Variants in ME2 observed in about 807,000 individuals in gnomAD.
ME2 encodes the protein NAD-dependent malic enzyme, mitochondrial.
A neutral mutation model predicts 73.7 loss-of-function variants in ME2; 60 were observed. The observed-to-expected ratio is 0.81, with a 90% CI of 0.66 to 1.01. The LOEUF (loss-of-function observed/expected upper bound fraction) is 1.01. Ranked by LOEUF, ME2 falls within the 50% of genes least tolerant of loss-of-function variation. ME2 has a pLI of 0.00. For synonymous variants in ME2, 199 were observed against 236.9 expected, an observed-to-expected ratio of 0.84 and a Z score of 1.47; for missense variants, 594 against 705.5, an observed-to-expected ratio of 0.84 and a Z score of 1.79.
chr18:50,916,116 A>G (rs1917277602), intron 4 of ME2, 52 bp from the exon 5 acceptor site: 2 of 1,230,180 alleles, frequency 1.6e-6, no homozygotes, highest in South Asian at 1.3e-5. Context: ...ATGAACAAAA[A>G]CTTAGAAACA....
At chr18:50,891,433 C>A (rs925418315) in intron 1 of ME2, among the ~76,000 whole-genome samples, 1 of 152,070 alleles carries the variant, frequency 6.6e-6, no homozygotes, top group East Asian at 1.9e-4. Context: ...TTGCTCTGTT[C>A]CTTTTGTGTC....
chr18:50,883,922 C>T (rs1410006110), intron 1 of ME2, among the ~76,000 whole-genome samples: 1 of 152,134 alleles, frequency 6.6e-6, no homozygotes, highest in East Asian at 1.9e-4. Flanking sequence ...ATTCAAAATT[C>T]GAATCCCCAC....
intron 15 of ME2, among the ~76,000 whole-genome samples, chr18:50,941,456 C>G (rs1917958783): frequency 7.0e-6 from 1 of 143,788 alleles, no homozygotes; most frequent in African/African-American, 2.6e-5. Flanking sequence ...TCACTGCAAC[C>G]TCTGCCTCCC....
chr18:50,924,193 G>A lies in ME2; in HGVS notation c.1152G>A (p.Leu384=), dbSNP rs1917493064. ...PDTFEDAVNI[L]KPSTIIGVAG... is the part of the protein sequence containing the mutation. ...CTTTTGAAGATGCAGTGAATATACTGAAGCCTTCAACTATAATTGGTAGGT... is the reference window on the plus strand; with the variant it reads ...CTTTTGAAGATGCAGTGAATATACTAAAGCCTTCAACTATAATTGGTAGGT... The change falls in exon 11 of 16, where the codon CTG becomes CTA. Residue 384 remains leucine, a synonymous_variant. Coordinates refer to ENST00000321341, the MANE Select transcript of ME2 (RefSeq NM_002396.5). The A allele has an allele frequency of 1.2e-6, 2 of 1,608,898 alleles. No individual in the cohort carries two copies.
chr18:50,943,349 G>C (rs945713918), intron 15 of ME2, among the ~76,000 whole-genome samples: 3 of 151,208 alleles, frequency 2.0e-5, no homozygotes, highest in African/African-American at 7.3e-5. Flanking sequence ...ACCCAGGTTG[G>C]AGTGCAGCGA....
At chr18:50,910,747 C>G (rs767712122) in intron 3 of ME2, among the ~76,000 whole-genome samples, 2 of 152,170 alleles carry the variant, frequency 1.3e-5, no homozygotes, top group Non-Finnish European at 2.9e-5. Context: ...TTCACTATCT[C>G]TGGTGGAAAG....
At chr18:50,934,257 A>G (rs1339169241) in intron 13 of ME2, 1 of 152,224 alleles carries the variant, frequency 6.6e-6, no homozygotes, top group Non-Finnish European at 1.5e-5. Flanking sequence ...TTTATATCAT[A>G]TCTGAGTATT....
chr18:50,882,607 A>G (rs1916350450), intron 1 of ME2, among the ~76,000 whole-genome samples: 1 of 152,162 alleles, frequency 6.6e-6, no homozygotes, highest in Non-Finnish European at 1.5e-5. Flanking sequence ...GACCAGACGT[A>G]AGATCTCCAA....
intron 2 of ME2, among the ~76,000 whole-genome samples, chr18:50,899,991 G>C (rs763003544): frequency 2.6e-5 from 4 of 152,148 alleles, no homozygotes; most frequent in Non-Finnish European, 4.4e-5. Context: ...CATAGGTTTT[G>C]TTTCCAGAAA....
intron 12 of ME2, among the ~76,000 whole-genome samples, chr18:50,931,706 G>A (rs578162709): frequency 2.0e-5 from 3 of 147,096 alleles, no homozygotes; most frequent in South Asian, 4.3e-4. Context: ...ATGGAGTCTC[G>A]CTCTGTTGCC....
chr18:50,936,149 A>G (rs1917815752), intron 13 of ME2, among the ~76,000 whole-genome samples: 1 of 152,222 alleles, frequency 6.6e-6, no homozygotes, highest in Non-Finnish European at 1.5e-5. Context: ...TCCTTCAAAG[A>G]AGCGACCGTT....
chr18:50,940,711 C>T (rs1447243403), intron 15 of ME2, among the ~76,000 whole-genome samples: 1 of 152,164 alleles, frequency 6.6e-6, no homozygotes, highest in African/African-American at 2.4e-5. Context: ...AGCGATCCTC[C>T]TGCCTTGGAC....
At chr18:50,882,803 G>T (rs1278862877) in intron 1 of ME2, among the ~76,000 whole-genome samples, 3 of 152,034 alleles carry the variant, frequency 2.0e-5, no homozygotes. Context: ...ACAAAAATTT[G>T]CTGGGCATGG....
At chr18:50,887,682 A>C (rs1412321616) in intron 1 of ME2, among the ~76,000 whole-genome samples, 2 of 152,320 alleles carry the variant, frequency 1.3e-5, no homozygotes, top group East Asian at 3.9e-4. Flanking sequence ...TGTAGAAACT[A>C]GTTTTAGCTT....
rs115652352 is a variant in ME2 at position 50,894,002 on chromosome 18, A to C, written c.-12-1807A>C. ...TTACAGTTTAATTACATCTATGACT[A>C]TTTAATATGAGTGAAACATTCTTGG... On this transcript the variant is annotated intron_variant, in intron 1 of 15. Coordinates refer to ENST00000321341, the MANE Select transcript of ME2 (RefSeq NM_002396.5). 3.3e-3 allele frequency among the ~76,000 whole-genome samples: 501 copies of C among 152,338 alleles called. 3 individuals are homozygous for C. Among genetic ancestry groups the C allele is most frequent in the African/African-American group, 0.012 (484 of 41,570 alleles).
At chr18:50,929,348 G>A (rs1158058174) in intron 12 of ME2, among the ~76,000 whole-genome samples, 1 of 151,672 alleles carries the variant, frequency 6.6e-6, no homozygotes, top group African/African-American at 2.4e-5. Context: ...AATTAGCCAG[G>A]TGTGGTGGCT....
chr18:50,879,816 C>G (rs1031993593), intron 1 of ME2, among the ~76,000 whole-genome samples: 19 of 152,206 alleles, frequency 1.2e-4, no homozygotes, highest in African/African-American at 4.1e-4. Flanking sequence ...TGAGATTGGA[C>G]CGATTCCGTC....
intron 1 of ME2, among the ~76,000 whole-genome samples, chr18:50,885,173 T>A (rs527561889): frequency 6.6e-6 from 1 of 152,278 alleles, no homozygotes; most frequent in East Asian, 1.9e-4. Context: ...TTAACTGTAG[T>A]AAATAATGCT....
intron 7 of ME2, among the ~76,000 whole-genome samples, chr18:50,919,896 T>C (rs1166732146): frequency 6.6e-6 from 1 of 152,032 alleles, no homozygotes. Context: ...ATGAAATATA[T>C]AGCCAGACTG....
Sources: gnomAD v4.1 joint callset for allele counts (sites outside exome capture counted in the v4.1 genomes callset) on GRCh38, gnomAD v4.1.1 for gene constraint, MANE v1.5 for transcripts, NCBI Gene and HGNC (gene_info 2026-07-23, HGNC 2026-07-21) for gene names.